The following XPNPEP1 variants were observed in gnomAD, a reference collection of about 807,000 sequenced individuals.
XPNPEP1 encodes X-prolyl aminopeptidase 1.
Under a neutral mutation model 92.4 loss-of-function variants are expected in XPNPEP1, and 39 were observed. The observed-to-expected ratio is 0.42, with a 90% confidence interval of 0.33 to 0.55. The LOEUF (loss-of-function observed/expected upper bound fraction) is 0.55. XPNPEP1 is among the 20% of genes least tolerant of loss of function. The pLI is 0.08. For synonymous variants in XPNPEP1, 307 were observed against 299.4 expected, an observed-to-expected ratio of 1.03 and a Z score of -0.26; for missense variants, 654 against 856.1, an observed-to-expected ratio of 0.76 and a Z score of 2.95.
At chr10:109,891,673 C>A in intron 5 of XPNPEP1, 49 bp downstream of exon 5, 1 of 1,461,246 alleles carries the variant, frequency 6.8e-7, no homozygotes, top group Non-Finnish European at 9.2e-7. Context: ...TCTAGGATCC[C>A]TGCCCAGATC....
intron 11 of XPNPEP1, 136 bp downstream of exon 11, chr10:109,880,706 T>G (rs1848044170): frequency 2.8e-6 from 2 of 716,074 alleles, no homozygotes; most frequent in Admixed American, 5.8e-5. Flanking sequence ...CCTCAATAAC[T>G]CCTCCTGGAA....
intron 2 of XPNPEP1, among the ~76,000 whole-genome samples, chr10:109,912,399 T>G (rs79133609): frequency 0.012 from 1,893 of 152,286 alleles, 35 homozygotes; most frequent in African/African-American, 0.043. Flanking sequence ...CAACAGGCAA[T>G]GGCTGAGGCA....
intron 3 of XPNPEP1, among the ~76,000 whole-genome samples, chr10:109,906,675 ACTG>A (rs1372232482): frequency 2.0e-5 from 3 of 152,120 alleles, no homozygotes; most frequent in Admixed American, 6.5e-5. Context: ...ATTTCCCACC[ACTG>A]CTTTTTACTT....
intron 7 of XPNPEP1, among the ~76,000 whole-genome samples, chr10:109,887,701 G>C (rs1416475428): frequency 1.3e-5 from 2 of 152,164 alleles, no homozygotes; most frequent in Non-Finnish European, 2.9e-5. Flanking sequence ...ACATAAGAAG[G>C]GAAATGGAAC....
At chr10:109,899,450 C>T (rs149813941) in intron 3 of XPNPEP1, among the ~76,000 whole-genome samples, 28 of 152,274 alleles carry the variant, frequency 1.8e-4, no homozygotes, top group African/African-American at 6.7e-4. Flanking sequence ...AAGTCCCCCA[C>T]CAACCAGGAA....
chr10:109,917,957 AC>A (rs1850280293), intron 1 of XPNPEP1, among the ~76,000 whole-genome samples: 1 of 152,164 alleles, frequency 6.6e-6, no homozygotes, highest in African/African-American at 2.4e-5. Context: ...TACAAAAAAT[AC>A]AAAAATTAGT....
intron 2 of XPNPEP1, among the ~76,000 whole-genome samples, chr10:109,912,624 C>A (rs1007686164): frequency 3.9e-5 from 6 of 152,316 alleles, no homozygotes; most frequent in Admixed American, 1.3e-4. Context: ...TAGCTAATGA[C>A]CCTCATAATT....
intron 3 of XPNPEP1, among the ~76,000 whole-genome samples, chr10:109,902,632 T>C (rs191937626): frequency 1.3e-5 from 2 of 152,208 alleles, no homozygotes; most frequent in Admixed American, 1.3e-4. Context: ...CAGTTAAGAT[T>C]ATAAAAGAAA....
intron 3 of XPNPEP1, among the ~76,000 whole-genome samples, chr10:109,895,318 A>G (rs934345163): frequency 6.6e-6 from 1 of 152,196 alleles, no homozygotes; most frequent in Non-Finnish European, 1.5e-5. Context: ...TCAGGGACAT[A>G]GTACTCTAGG....
intron 17 of XPNPEP1, 121 bp from the exon 18 acceptor site, chr10:109,871,025 T>C: frequency 1.7e-6 from 2 of 1,153,072 alleles, no homozygotes; most frequent in Non-Finnish European, 2.4e-6. Flanking sequence ...GGGTTCAGAT[T>C]TCAGCACAGC....
rs188458364 is a variant in XPNPEP1 at position 109,902,801 on chromosome 10, T to A, written c.246+4890A>T. Reference sequence around the variant, plus strand: ...GATGTTGCTACAAAACACATCTGTCTCAGATTAGAGCCTCAGTTTCCTCAT... The same window carrying A: ...GATGTTGCTACAAAACACATCTGTCACAGATTAGAGCCTCAGTTTCCTCAT... On this transcript the variant is annotated intron_variant, in intron 3 of 20. Transcript: ENST00000502935. Among the ~76,000 whole-genome samples, 27 of 152,330 alleles carry A rather than the reference T, an allele frequency of 1.8e-4. No individual in the cohort carries two copies. In the East Asian group the frequency reaches 5.0e-3, roughly 28 times the overall value.
intron 1 of XPNPEP1, 144 bp downstream of exon 1, chr10:109,923,258 G>C: frequency 8.4e-7 from 1 of 1,186,160 alleles, no homozygotes; most frequent in Non-Finnish European, 1.0e-6. Flanking sequence ...CTGTTCCGGG[G>C]CTCCGGCGAG....
At chr10:109,899,836 T>C (rs1849186210) in intron 3 of XPNPEP1, among the ~76,000 whole-genome samples, 1 of 152,170 alleles carries the variant, frequency 6.6e-6, no homozygotes, top group Non-Finnish European at 1.5e-5. Context: ...GGATGAGGAA[T>C]CAAGATTTCT....
chr10:109,914,895 C>T (rs918696345), intron 2 of XPNPEP1, 116 bp downstream of exon 2: 3 of 504,148 alleles, frequency 6.0e-6, no homozygotes, highest in African/African-American at 5.9e-5. Flanking sequence ...ATACTAACCC[C>T]CAGTCATGAT....
intron 2 of XPNPEP1, among the ~76,000 whole-genome samples, chr10:109,913,108 G>A (rs1430957792): frequency 2.0e-5 from 3 of 152,216 alleles, no homozygotes; most frequent in Non-Finnish European, 4.4e-5. Context: ...TACACTGCCA[G>A]GTATTTTCAA....
intron 10 of XPNPEP1, 138 bp from the exon 11 acceptor site, chr10:109,881,069 C>T (rs753802191): frequency 2.8e-6 from 2 of 723,576 alleles, no homozygotes. Flanking sequence ...ATATAGCTAT[C>T]CCCTGGGGCC....
intron 10 of XPNPEP1, among the ~76,000 whole-genome samples, chr10:109,881,319 CCT>C (rs1326949188): frequency 1.3e-5 from 2 of 152,158 alleles, no homozygotes; most frequent in Admixed American, 6.5e-5. Context: ...GCTTTTTCTC[CCT>C]GTCTAGCCAT....
intron 1 of XPNPEP1, among the ~76,000 whole-genome samples, chr10:109,916,102 C>T (rs926466247): frequency 5.9e-5 from 9 of 151,992 alleles, no homozygotes; most frequent in East Asian, 1.9e-4. Context: ...GTAATAAGAA[C>T]GTGTTTTGTG....
At chr10:109,887,940 T>C in intron 7 of XPNPEP1, 109 bp downstream of exon 7, 5 of 1,472,414 alleles carry the variant, frequency 3.4e-6, no homozygotes, top group Admixed American at 2.3e-5. Context: ...GGCAAAATCC[T>C]CCTGTCAGCT....
Sources: allele counts gnomAD v4.1 joint callset (sites outside exome capture counted in the v4.1 genomes callset), GRCh38; gene constraint gnomAD v4.1.1; transcripts MANE v1.5; gene names NCBI Gene and HGNC (gene_info 2026-07-23, HGNC 2026-07-21).